The following FOLH1 variants were observed in gnomAD, a reference collection of about 807,000 sequenced individuals.
The protein encoded by FOLH1 is glutamate carboxypeptidase 2.
FOLH1 carries 54 observed loss-of-function variants against 93.9 expected under a neutral mutation model. The ratio of observed to expected loss-of-function variants is 0.57; its 90% CI spans 0.46 to 0.72. FOLH1 has a LOEUF of 0.72. Among genes scored for constraint, FOLH1 ranks in the 30% least tolerant of loss-of-function variants. FOLH1 has a pLI of 0.00. For synonymous variants in FOLH1, 249 were observed against 303.6 expected (o/e 0.82, Z 1.87); for missense variants, 571 against 892.5 (o/e 0.64, Z 4.59).
intron 1 of FOLH1, among the ~76,000 whole-genome samples, chr11:49,207,464 G>A (rs567174082): frequency 6.6e-6 from 1 of 152,308 alleles, no homozygotes; most frequent in South Asian, 2.1e-4. Flanking sequence ...TCTAAATCCC[G>A]AAAGAGGGTC....
intron 7 of FOLH1, among the ~76,000 whole-genome samples, chr11:49,178,715 A>G (rs1860386190): frequency 6.6e-6 from 1 of 152,214 alleles, no homozygotes; most frequent in Non-Finnish European, 1.5e-5. Context: ...ATAGTTGAAT[A>G]TTAAAATTTC....
chr11:49,146,607 C>T lies in FOLH1; in HGVS notation c.*149G>A, dbSNP rs1207965972. The T allele has an allele frequency of 3.4e-6, 2 of 595,270 alleles. No individual in the cohort carries two copies. Among genetic ancestry groups the T allele is most frequent in the African/African-American group, 1.9e-5 (1 of 51,944 alleles). 36.9% of individuals were successfully genotyped at this position (595,270 alleles called of 1,614,324 possible). A position where few individuals can be genotyped will look rare whatever the true frequency, so the allele number is the denominator to read the frequency against. On this transcript the variant is annotated 3_prime_UTR_variant, in exon 19 of 19. Coordinates refer to ENST00000256999, the MANE Select transcript of FOLH1 (RefSeq NM_004476.3). ...ATAGGGAGAAGATAAACAATATAAACACACACATATATAAACACTCACATA... is the reference window on the plus strand; with the variant it reads ...ATAGGGAGAAGATAAACAATATAAATACACACATATATAAACACTCACATA...
At chr11:49,181,297 G>A (rs1339923531) in intron 7 of FOLH1, among the ~76,000 whole-genome samples, 1 of 151,740 alleles carries the variant, frequency 6.6e-6, no homozygotes, top group Non-Finnish European at 1.5e-5. Context: ...TAGTACGGAC[G>A]GGGTTTCACT....
chr11:49,163,872 T>C (rs546904806), intron 13 of FOLH1, among the ~76,000 whole-genome samples: 1 of 152,176 alleles, frequency 6.6e-6, no homozygotes, highest in South Asian at 2.1e-4. Flanking sequence ...GTTGCAAAGA[T>C]CCATGGAAAA....
At chr11:49,149,823 A>C (rs1378006836) in intron 17 of FOLH1, among the ~76,000 whole-genome samples, 2 of 152,230 alleles carry the variant, frequency 1.3e-5, no homozygotes, top group Non-Finnish European at 2.9e-5. Flanking sequence ...TTATGTATGC[A>C]ATGCTAACAT....
intron 12 of FOLH1, among the ~76,000 whole-genome samples, chr11:49,168,318 G>T (rs12792593): frequency 6.1e-5 from 9 of 148,702 alleles, no homozygotes; most frequent in Admixed American, 5.3e-4. Context: ...GAGAGCAATG[G>T]CTGGGATGTT....
chr11:49,146,798 G>A lies in FOLH1; in HGVS notation c.2211C>T (p.Phe737=). The A allele has an allele frequency of 6.2e-7, 1 of 1,613,428 alleles. No homozygotes were observed. Among genetic ancestry groups the A allele is most frequent in the African/African-American group, 1.3e-5 (1 of 74,988 alleles). The change falls in exon 19 of 19, where the codon TTC becomes TTT. Residue 737 remains phenylalanine, a synonymous_variant. Coordinates refer to ENST00000256999, the MANE Select transcript of FOLH1 (RefSeq NM_004476.3). ...AAGTCTCTGCAGCTGCCTGCACTGT[G>A]AAGGCTGCAACATAAATCTGTCTCT... The part of the protein sequence containing the change: ...EVKRQIYVAA[F]TVQAAAETLS...
At chr11:49,176,360 A>G (rs1372214307) in intron 7 of FOLH1, among the ~76,000 whole-genome samples, 1 of 152,198 alleles carries the variant, frequency 6.6e-6, no homozygotes, top group African/African-American at 2.4e-5. Context: ...GTTATTTTTT[A>G]CAAAGTACTT....
intron 13 of FOLH1, among the ~76,000 whole-genome samples, chr11:49,158,521 C>G (rs1035253735): frequency 1.3e-5 from 2 of 152,120 alleles, no homozygotes. Context: ...GTTCTTGTAC[C>G]AGTATCATGC....
intron 17 of FOLH1, among the ~76,000 whole-genome samples, chr11:49,149,116 T>G (rs11608163): frequency 0.05 from 7,584 of 150,556 alleles, 343 homozygotes; most frequent in East Asian, 0.26. Flanking sequence ...TGTCGTGGGG[T>G]GGGGTGAGGG....
At chr11:49,191,466 T>C (rs1423246242) in intron 4 of FOLH1, among the ~76,000 whole-genome samples, 1 of 152,244 alleles carries the variant, frequency 6.6e-6, no homozygotes, top group Non-Finnish European at 1.5e-5. Context: ...ATGTGTGCTC[T>C]TTGTATTTAG....
At chr11:49,162,658 G>A (rs1305405595) in intron 13 of FOLH1, 1 of 152,196 alleles carries the variant, frequency 6.6e-6, no homozygotes, top group Non-Finnish European at 1.5e-5. Flanking sequence ...GTCATTTGGA[G>A]GAAAGAGGGC....
intron 1 of FOLH1, chr11:49,207,984 A>T (rs1864165320): frequency 3.2e-6 from 2 of 624,000 alleles, no homozygotes; most frequent in Admixed American, 2.2e-5. Flanking sequence ...AAAGCAAAAA[A>T]AAAACTTCCT....
chr11:49,197,330 T>C (rs1862730585), intron 3 of FOLH1, among the ~76,000 whole-genome samples: 1 of 152,102 alleles, frequency 6.6e-6, no homozygotes, highest in Non-Finnish European at 1.5e-5. Flanking sequence ...GGAAATGCCT[T>C]TTTGGTTGAC....
At chr11:49,179,184 C>T (rs1860443740) in intron 7 of FOLH1, among the ~76,000 whole-genome samples, 2 of 152,144 alleles carry the variant, frequency 1.3e-5, no homozygotes, top group South Asian at 4.1e-4. Context: ...AAGAGCCTTC[C>T]AGGCACAGAG....
chr11:49,188,171 A>T (rs1015502727), intron 4 of FOLH1, among the ~76,000 whole-genome samples: 2 of 152,196 alleles, frequency 1.3e-5, no homozygotes, highest in African/African-American at 4.8e-5. Flanking sequence ...AAATTTTTTA[A>T]AAAATTTATT....
intron 4 of FOLH1, among the ~76,000 whole-genome samples, chr11:49,187,956 C>A (rs1360864897): frequency 3.9e-5 from 6 of 152,176 alleles, no homozygotes; most frequent in African/African-American, 1.4e-4. Context: ...CAAGGCTATC[C>A]TTCAGCTGGC....
chr11:49,195,215 T>C (rs1353648312), intron 3 of FOLH1, among the ~76,000 whole-genome samples: 1 of 152,178 alleles, frequency 6.6e-6, no homozygotes, highest in East Asian at 1.9e-4. Flanking sequence ...ACAAACCACA[T>C]TATCTGATCT....
At chr11:49,180,856 T>C (rs1860644570) in intron 7 of FOLH1, among the ~76,000 whole-genome samples, 1 of 152,212 alleles carries the variant, frequency 6.6e-6, no homozygotes, top group Non-Finnish European at 1.5e-5. Flanking sequence ...CACTTTTTCA[T>C]GAAAGTTATG....
Sources: gnomAD v4.1 joint callset for allele counts (sites outside exome capture counted in the v4.1 genomes callset) on GRCh38, gnomAD v4.1.1 for gene constraint, MANE v1.5 for transcripts, NCBI Gene and HGNC (gene_info 2026-07-23, HGNC 2026-07-21) for gene names.